The following SLIT1 variants were observed in gnomAD, a reference collection of about 807,000 sequenced individuals.
SLIT1 encodes the protein slit guidance ligand 1.
In SLIT1, 66 loss-of-function variants were observed where a neutral mutation model predicts 186.1. The ratio of observed to expected loss-of-function variants is 0.35; its 90% CI spans 0.29 to 0.44. SLIT1 has a LOEUF of 0.44. Ranked by LOEUF, SLIT1 falls within the 20% of genes least tolerant of loss-of-function variation. The pLI is 1.00. For synonymous variants in SLIT1, 761 were observed against 833.8 expected (o/e 0.91, Z 1.50); for missense variants, 1,638 against 2,037.4 (o/e 0.80, Z 3.77).
At chr10:97,049,444 G>C (rs1264809831) in intron 13 of SLIT1, among the ~76,000 whole-genome samples, 1 of 152,180 alleles carries the variant, frequency 6.6e-6, no homozygotes, top group Non-Finnish European at 1.5e-5. Flanking sequence ...TCACGAGCAC[G>C]AGCGGAGACA....
At chr10:97,048,120 A>G in intron 14 of SLIT1, 124 bp from the exon 15 acceptor site, 1 of 1,033,350 alleles carries the variant, frequency 9.7e-7, no homozygotes, top group Non-Finnish European at 1.5e-6. Flanking sequence ...CCATCTGCCC[A>G]GTCCCTGTGT....
intron 2 of SLIT1, 52 bp from the exon 3 acceptor site, chr10:97,163,503 T>C: frequency 6.5e-7 from 1 of 1,531,628 alleles, no homozygotes; most frequent in South Asian, 1.1e-5. Flanking sequence ...CAAGGGCTGC[T>C]AGAAACAGCT....
intron 28 of SLIT1, among the ~76,000 whole-genome samples, chr10:97,014,386 T>A (rs1848436948): frequency 6.6e-6 from 1 of 151,476 alleles, no homozygotes; most frequent in Non-Finnish European, 1.5e-5. Flanking sequence ...AGGGGAGAGG[T>A]AGTGAGGACC....
chr10:97,056,857 A>T (rs1416701598), intron 12 of SLIT1, among the ~76,000 whole-genome samples: 1 of 152,198 alleles, frequency 6.6e-6, no homozygotes, highest in African/African-American at 2.4e-5. Context: ...CCTGGGAGAC[A>T]ATCCCTGCCT....
intron 4 of SLIT1, among the ~76,000 whole-genome samples, chr10:97,101,810 G>A (rs141543107): frequency 1.3e-5 from 2 of 152,346 alleles, no homozygotes; most frequent in African/African-American, 2.4e-5. Flanking sequence ...GAGCCACAAC[G>A]CCTCTTGAGT....
intron 28 of SLIT1, among the ~76,000 whole-genome samples, chr10:97,015,334 A>G (rs1246052696): frequency 6.6e-6 from 1 of 152,210 alleles, no homozygotes; most frequent in Non-Finnish European, 1.5e-5. Context: ...AGAGGTTTCC[A>G]GTTCTGTGCA....
At chr10:97,098,881 C>T (rs936591949) in intron 4 of SLIT1, among the ~76,000 whole-genome samples, 19 of 152,172 alleles carry the variant, frequency 1.2e-4, no homozygotes, top group Admixed American at 1.3e-4. Context: ...AGGAGTATCA[C>T]GTGGCTGTCA....
rs1358640029 is a variant in SLIT1, at chr10:96,999,466, T to G, written c.*1646A>C. 1 of 152,398 alleles carries G rather than the reference T, an allele frequency of 6.6e-6. No homozygotes were observed. The highest frequency in any genetic ancestry group is 6.5e-5 in the Admixed American group (1 of 15,288). The allele number at this position is 152,398 out of a possible 1,614,324, so 9.4% of individuals were successfully genotyped here. Reference sequence around the variant, plus strand: ...CAGGGACACAATGCCACTCTGAGCCTCACCTGAACATACACCCAGCCATGC... The same window carrying G: ...CAGGGACACAATGCCACTCTGAGCCGCACCTGAACATACACCCAGCCATGC... On this transcript the variant is annotated 3_prime_UTR_variant, in exon 37 of 37. Coordinates refer to ENST00000266058, the MANE Select transcript of SLIT1 (RefSeq NM_003061.3).
At chr10:97,037,220 G>T in intron 22 of SLIT1, among the ~76,000 whole-genome samples, 1 of 152,026 alleles carries the variant, frequency 6.6e-6, no homozygotes, top group Non-Finnish European at 1.5e-5. Context: ...TCAGCCTCCC[G>T]AGTAGCTGGG....
chr10:97,184,865 GC>G lies in SLIT1; in HGVS notation c.197+612del, dbSNP rs557502408. Among the ~76,000 whole-genome samples, 599 of 152,316 alleles carry G rather than the reference GC, an allele frequency of 3.9e-3. 3 individuals carry two copies. Among genetic ancestry groups the G allele is most frequent in the African/African-American group, 0.014 (568 of 41,562 alleles). On this transcript the variant is annotated intron_variant, in intron 1 of 36. Coordinates refer to ENST00000266058, the MANE Select transcript of SLIT1 (RefSeq NM_003061.3). The surrounding 1 kb of genome is among the most constrained non-coding windows in gnomAD (Gnocchi z 4.4). The stretch of plus-strand genomic sequence containing the variant: ...CCAAAGCCCTCAGGTCCCATTGTCT[GC>G]CTGTGTTGGGGATGGCTGGGTGTGG...
chr10:97,112,253 G>A (rs931926513), intron 4 of SLIT1, among the ~76,000 whole-genome samples: 3 of 151,880 alleles, frequency 2.0e-5, no homozygotes, highest in Non-Finnish European at 4.4e-5. Context: ...CTGACAGAGC[G>A]CCCTGTGATA....
In SLIT1 at chr10:97,060,109, G is replaced by A. The variant is rs368436800; in HGVS notation, c.991C>T (p.Pro331Ser). ...IKSIPPGAFS[P>S]YRKLRRIDLS... ...CACATCCTCCGTAGCTTTCTGTAGG[G>A]TGAGAAGGCTCCAGGAGGGATGGAC... The change falls in exon 10 of 37, where the codon CCC becomes TCC. Residue 331 changes from proline (P) to serine (S), a missense_variant. Around this residue, in one of 3 missense-constraint regions of SLIT1, gnomAD observed 1,245 missense variants for 1,535.3 expected, o/e 0.81. Transcript: ENST00000266058. The A allele has an allele frequency of 2.5e-6, 4 of 1,613,786 alleles. No individual in the cohort carries two copies. Among genetic ancestry groups the A allele is most frequent in the Non-Finnish European group, 2.5e-6 (3 of 1,179,750 alleles).
At chr10:97,174,172 G>A (rs541663559) in intron 1 of SLIT1, among the ~76,000 whole-genome samples, 1 of 152,222 alleles carries the variant, frequency 6.6e-6, no homozygotes, top group Non-Finnish European at 1.5e-5. Context: ...CATCGGAGTT[G>A]TGGGTCAATA....
At chr10:97,083,295 C>CA (rs1849123892) in intron 4 of SLIT1, among the ~76,000 whole-genome samples, 2 of 152,170 alleles carry the variant, frequency 1.3e-5, no homozygotes, top group African/African-American at 4.8e-5. Context: ...GTAACTGAGG[C>CA]ATAGTAACTT....
At chr10:97,166,931 C>T (rs368196000) in intron 1 of SLIT1, among the ~76,000 whole-genome samples, 10 of 152,240 alleles carry the variant, frequency 6.6e-5, no homozygotes, top group African/African-American at 9.6e-5. Flanking sequence ...CCATCTGACC[C>T]GCGGGCCCAG....
intron 4 of SLIT1, among the ~76,000 whole-genome samples, chr10:97,148,446 G>A (rs772582543): frequency 7.1e-6 from 1 of 140,094 alleles, no homozygotes; most frequent in Non-Finnish European, 1.5e-5. Context: ...ACATCACCAT[G>A]CCTAGCTATT....
chr10:97,156,427 A>T (rs993884881), intron 4 of SLIT1, among the ~76,000 whole-genome samples: 1 of 152,152 alleles, frequency 6.6e-6, no homozygotes, highest in Non-Finnish European at 1.5e-5. Flanking sequence ...AAAATTAAAA[A>T]ATTAGCCAGG....
intron 1 of SLIT1, among the ~76,000 whole-genome samples, chr10:97,167,327 T>C (rs149445690): frequency 0.011 from 1,637 of 152,326 alleles, 90 homozygotes; most frequent in Admixed American, 0.087. Flanking sequence ...AATGTCATCA[T>C]GAAGCCCTTT....
In SLIT1 at chr10:96,998,839, G is replaced by C. The variant is rs1419136415; in HGVS notation, c.*2273C>G. 1 of 152,330 alleles carries C rather than the reference G, an allele frequency of 6.6e-6. No individual in the cohort carries two copies. Among genetic ancestry groups the C allele is most frequent in the Non-Finnish European group, 1.5e-5 (1 of 68,124 alleles). The allele number at this position is 152,330 out of a possible 1,614,324, so 9.4% of individuals were successfully genotyped here. On this transcript the variant is annotated 3_prime_UTR_variant, in exon 37 of 37. Coordinates refer to ENST00000266058, the MANE Select transcript of SLIT1 (RefSeq NM_003061.3). ...AAACATGCCAGCCGCTCACCTCCCA[G>C]CCCCATGGCGCCAGGTGAGGGGTGA...
Sources: gnomAD v4.1 joint callset for allele counts (sites outside exome capture counted in the v4.1 genomes callset) on GRCh38, gnomAD v4.1.1 for gene constraint, gnomAD v4.1.1 regional missense constraint, Gnocchi (gnomAD v3.1) non-coding constraint, MANE v1.5 for transcripts, NCBI Gene and HGNC (gene_info 2026-07-23, HGNC 2026-07-21) for gene names.